Variants in CACHD1 observed in about 807,000 individuals in gnomAD.
The protein encoded by CACHD1 is VWFA and cache domain-containing protein 1.
CACHD1 carries 71 observed loss-of-function variants against 138.7 expected under a neutral mutation model. The observed-to-expected ratio is 0.51, with a 90% CI of 0.42 to 0.62. The LOEUF (loss-of-function observed/expected upper bound fraction) is 0.62. Among genes scored for constraint, CACHD1 ranks in the 20% least tolerant of loss-of-function variants. CACHD1 has a pLI of 0.00. For missense variants in CACHD1, 1,389 were observed against 1,625.3 expected (o/e 0.85, Z 2.50); for synonymous variants, 578 against 591.5 (o/e 0.98, Z 0.33).
intron 2 of CACHD1, among the ~76,000 whole-genome samples, chr1:64,557,094 C>G (rs1311819011): frequency 6.7e-6 from 1 of 150,314 alleles, no homozygotes; most frequent in Non-Finnish European, 1.5e-5. Context: ...GCACTCCAGC[C>G]TGGGCAACAG....
intron 2 of CACHD1, among the ~76,000 whole-genome samples, chr1:64,564,410 T>C (rs1403952068): frequency 3.3e-5 from 5 of 152,162 alleles, no homozygotes; most frequent in African/African-American, 1.2e-4. Flanking sequence ...CCCCAAGCCC[T>C]GATGCCTTTC....
intron 2 of CACHD1, among the ~76,000 whole-genome samples, chr1:64,568,541 C>A (rs1646901557): frequency 1.3e-5 from 2 of 152,118 alleles, no homozygotes. Context: ...ATCTCCCCAC[C>A]CCCCATTTGG....
intron 2 of CACHD1, among the ~76,000 whole-genome samples, chr1:64,568,490 C>T (rs532302078): frequency 1.5e-4 from 23 of 152,232 alleles, no homozygotes; most frequent in African/African-American, 5.1e-4. Flanking sequence ...TAGGAAAAAA[C>T]GAGATGGGCA....
chr1:64,489,976 C>T (rs1306562602), intron 1 of CACHD1, among the ~76,000 whole-genome samples: 1 of 152,180 alleles, frequency 6.6e-6, no homozygotes, highest in African/African-American at 2.4e-5. Flanking sequence ...CTAACTTATA[C>T]ATACCCCAGT....
At chr1:64,635,836 G>A (rs1277663021) in intron 7 of CACHD1, among the ~76,000 whole-genome samples, 2 of 151,804 alleles carry the variant, frequency 1.3e-5, no homozygotes, top group Non-Finnish European at 2.9e-5. Context: ...TATAGGCTGG[G>A]CGCGGTGGCT....
rs534037074 is a variant in CACHD1, at chr1:64,568,600, T to G, written c.262-13556T>G. 2.0e-5 allele frequency among the ~76,000 whole-genome samples: 3 copies of G among 152,306 alleles called. No homozygotes were observed. In the South Asian group the frequency reaches 6.2e-4, roughly 32 times the overall value. On this transcript the variant is annotated intron_variant, in intron 2 of 26. Transcript: ENST00000651257. The stretch of plus-strand genomic sequence containing the variant: ...TTTTAAGGAAAACATACATGTAACC[T>G]CTGTTCTGTATTCTTATATATATAT...
At chr1:64,685,141 G>A (rs1315948045) in intron 26 of CACHD1, among the ~76,000 whole-genome samples, 5 of 152,006 alleles carry the variant, frequency 3.3e-5, no homozygotes, top group East Asian at 1.9e-4. Flanking sequence ...TCTTTTATAC[G>A]GTATTTTTCT....
intron 17 of CACHD1, among the ~76,000 whole-genome samples, chr1:64,672,521 G>C (rs1445974729): frequency 1.3e-5 from 2 of 151,586 alleles, no homozygotes; most frequent in Non-Finnish European, 3.0e-5. Context: ...TTTATTATTA[G>C]TTAATGTTGT....
At chr1:64,530,928 T>G (rs112928396) in intron 1 of CACHD1, among the ~76,000 whole-genome samples, 1,661 of 57,318 alleles carry the variant, frequency 0.029, 50 homozygotes, top group African/African-American at 0.1. Context: ...ATCGTGTTTT[T>G]TTTTGTTTTT....
intron 19 of CACHD1, among the ~76,000 whole-genome samples, 158 bp from the exon 20 acceptor site, chr1:64,675,243 T>C (rs959650387): frequency 6.6e-6 from 1 of 152,210 alleles, no homozygotes; most frequent in African/African-American, 2.4e-5. Flanking sequence ...TTCTAAATTT[T>C]TAACAGTGAC....
chr1:64,688,534 G>C (rs1011618926), intron 26 of CACHD1, among the ~76,000 whole-genome samples: 1 of 152,090 alleles, frequency 6.6e-6, no homozygotes. Context: ...CCAGCCTACT[G>C]TGCACTTGAA....
At chr1:64,540,465 T>C (rs1269593112) in intron 1 of CACHD1, among the ~76,000 whole-genome samples, 1 of 152,184 alleles carries the variant, frequency 6.6e-6, no homozygotes, top group African/African-American at 2.4e-5. Context: ...AGTCAAGTTA[T>C]ATTGGCTAAC....
intron 13 of CACHD1, among the ~76,000 whole-genome samples, chr1:64,659,350 G>C (rs576291701): frequency 1.3e-5 from 2 of 152,220 alleles, no homozygotes; most frequent in African/African-American, 4.8e-5. Flanking sequence ...CACAGATACA[G>C]CCCATTAAAG....
At chr1:64,505,594 C>T (rs113339006) in intron 1 of CACHD1, among the ~76,000 whole-genome samples, 3 of 130,860 alleles carry the variant, frequency 2.3e-5, no homozygotes, top group African/African-American at 2.9e-5. Flanking sequence ...CGCCCCTCCC[C>T]CTCCCTGGGC....
intron 26 of CACHD1, among the ~76,000 whole-genome samples, chr1:64,684,939 A>G (rs191219862): frequency 3.3e-5 from 5 of 152,246 alleles, no homozygotes; most frequent in African/African-American, 1.2e-4. Flanking sequence ...CCTCCCAAGT[A>G]ACTGGGATTA....
At chr1:64,566,682 T>C (rs1482476419) in intron 2 of CACHD1, among the ~76,000 whole-genome samples, 2 of 151,992 alleles carry the variant, frequency 1.3e-5, no homozygotes, top group African/African-American at 4.8e-5. Flanking sequence ...TGAGGCTTTT[T>C]TTTAAATGGT....
At chr1:64,482,499 G>C (rs1398731612) in intron 1 of CACHD1, among the ~76,000 whole-genome samples, 1 of 152,178 alleles carries the variant, frequency 6.6e-6, no homozygotes, top group East Asian at 1.9e-4. Flanking sequence ...CCCTTTCTAG[G>C]GGACTGTTAG....
At chr1:64,588,836 G>A (rs1647074294) in intron 3 of CACHD1, among the ~76,000 whole-genome samples, 1 of 152,136 alleles carries the variant, frequency 6.6e-6, no homozygotes, top group Non-Finnish European at 1.5e-5. Context: ...AAGCTACGGA[G>A]GAAATACTGG....
Position 64,470,739 on chromosome 1 carries a change from G to T in CACHD1, c.-6G>T, listed in dbSNP as rs996854308. 1.6e-6 allele frequency: 1 copy of T among 615,940 alleles called. No homozygotes were observed. Among genetic ancestry groups the T allele is most frequent in the Admixed American group, 3.5e-5 (1 of 28,820 alleles). 38.2% of individuals were successfully genotyped at this position (615,940 alleles called of 1,614,324 possible). ...AGCCCGTCGGCGGGGAGTGGGGGGA[G>T]GCAGCATGGCCCGCCAGCCGGAGGA... On this transcript the variant is annotated 5_prime_UTR_variant, in exon 1 of 27. It adds an upstream start codon to the 5' untranslated region. Transcript: ENST00000651257. This position sits in a 1 kb window ranked among gnomAD's most constrained non-coding sequence, Gnocchi z 5.2.
Sources: gnomAD v4.1 joint callset for allele counts (sites outside exome capture counted in the v4.1 genomes callset) on GRCh38, gnomAD v4.1.1 for gene constraint, Gnocchi (gnomAD v3.1) non-coding constraint, MANE v1.5 for transcripts, NCBI Gene and HGNC (gene_info 2026-07-23, HGNC 2026-07-21) for gene names.